CACNA1C: variants seen among roughly 807,000 people sequenced by gnomAD.
The protein encoded by CACNA1C is voltage-dependent L-type calcium channel subunit alpha-1C.
CACNA1C carries 30 observed loss-of-function variants against 229.0 expected under a neutral mutation model. The observed-to-expected ratio is 0.13, with a 90% CI of 0.10 to 0.18. The LOEUF (loss-of-function observed/expected upper bound fraction) is 0.18, where lower values mean the gene tolerates loss of function less well. CACNA1C is among the 10% of genes least tolerant of loss of function. CACNA1C has a pLI of 1.00. For missense variants in CACNA1C, 1,658 were observed against 2,845.0 expected, an observed-to-expected ratio of 0.58 and a Z score of 9.49; for synonymous variants, 1,114 against 1,132.5, an observed-to-expected ratio of 0.98 and a Z score of 0.33.
At chr12:2,213,939 C>G (rs2059331817) in intron 3 of CACNA1C, among the ~76,000 whole-genome samples, 1 of 151,836 alleles carries the variant, frequency 6.6e-6, no homozygotes. Flanking sequence ...TTTACAGCAC[C>G]TTCTCTGCAG....
At chr12:2,559,676 G>C (rs765202555) in intron 11 of CACNA1C, among the ~76,000 whole-genome samples, 2 of 152,178 alleles carry the variant, frequency 1.3e-5, no homozygotes, top group Non-Finnish European at 2.9e-5. Flanking sequence ...AGGTCACAGG[G>C]CTCTAGTATG....
rs530175282 is a variant in CACNA1C at position 2,348,344 on chromosome 12, C to T, written c.478-100632C>T. ...ATCTAGACCCTTTGGATCCTATGTG[C>T]GGGGGACTTCCCAAGAGCTCCCGGC... On this transcript the variant is annotated intron_variant, in intron 3 of 46. Coordinates refer to ENST00000399655, the MANE Select transcript of CACNA1C (RefSeq NM_000719.7). The surrounding 1 kb of genome is among the most constrained non-coding windows in gnomAD (Gnocchi z 4.7). Among the ~76,000 whole-genome samples the T allele has an allele frequency of 8.5e-5, 13 of 152,216 alleles. No homozygotes were observed. The highest frequency in any genetic ancestry group is 2.1e-4 in the South Asian group (1 of 4,832).
In CACNA1C at chr12:2,595,650, G is replaced by A. The variant is rs575601652; in HGVS notation, c.2664-224G>A. Among the ~76,000 whole-genome samples the A allele has an allele frequency of 6.6e-6, 1 of 152,314 alleles. No individual in the cohort carries two copies. Among genetic ancestry groups the A allele is most frequent in the South Asian group, 2.1e-4 (1 of 4,826 alleles). On this transcript the variant is annotated intron_variant, in intron 19 of 46. Transcript: ENST00000399655. This position sits in a 1 kb window ranked among gnomAD's most constrained non-coding sequence, Gnocchi z 4.1. The stretch of plus-strand genomic sequence containing the variant: ...AATTCAGAGATTCTCAAAGGTCTCA[G>A]ATGTAACCTTCTAAAATATCAAAGA...
rs1203140092 is a variant in CACNA1C, at chr12:2,108,401, G to A, written c.50-6823G>A. Reference sequence around the variant, plus strand: ...CAAGGGCTGGCTCTGGGATCACACCGCCTTATGCATGATCCAGGAATCAGG... The same window carrying A: ...CAAGGGCTGGCTCTGGGATCACACCACCTTATGCATGATCCAGGAATCAGG... On this transcript the variant is annotated intron_variant, in intron 1 of 46. Transcript: ENST00000399655. The surrounding 1 kb of genome is among the most constrained non-coding windows in gnomAD (Gnocchi z 5.3). Among the ~76,000 whole-genome samples the A allele has an allele frequency of 3.9e-5, 6 of 152,188 alleles. No homozygotes were observed. The highest frequency in any genetic ancestry group is 2.1e-4 in the South Asian group (1 of 4,832).
chr12:2,221,950 A>G (rs2154351219), intron 3 of CACNA1C, among the ~76,000 whole-genome samples: 1 of 152,350 alleles, frequency 6.6e-6, no homozygotes, highest in Middle Eastern at 3.4e-3. Context: ...TATCTACAAT[A>G]TGATCCCAAA....
At chr12:2,055,071 C>G (rs564955207) in intron 1 of CACNA1C, among the ~76,000 whole-genome samples, 17 of 152,342 alleles carry the variant, frequency 1.1e-4, no homozygotes, top group African/African-American at 3.8e-4. Flanking sequence ...GGATTGTGGC[C>G]TCCTTTGGAA....
At chr12:2,257,632 A>G (rs2078482841) in intron 3 of CACNA1C, among the ~76,000 whole-genome samples, 1 of 152,174 alleles carries the variant, frequency 6.6e-6, no homozygotes, top group Admixed American at 6.5e-5. Context: ...CAGGCCATGG[A>G]CCGGTACCTG....
At chr12:2,448,952 C>T (rs368845306) in intron 3 of CACNA1C, 24 bp from the exon 4 acceptor site, 1 of 1,590,366 alleles carries the variant, frequency 6.3e-7, no homozygotes, top group Non-Finnish European at 8.6e-7. Context: ...TTATTTTTCT[C>T]TCTTTTCTAT....
At chr12:2,200,635 C>T (rs758296600) in intron 3 of CACNA1C, among the ~76,000 whole-genome samples, 6 of 152,082 alleles carry the variant, frequency 3.9e-5, no homozygotes, top group Non-Finnish European at 8.8e-5. Context: ...TTGCAGGAAC[C>T]GGGATAGATA....
intron 3 of CACNA1C, among the ~76,000 whole-genome samples, chr12:2,135,320 C>T (rs938406392): frequency 6.8e-6 from 1 of 146,842 alleles, no homozygotes. Context: ...CAAAGTCATT[C>T]TCCATCCAGC....
chr12:2,150,107 G>T (rs1046992706), intron 3 of CACNA1C, among the ~76,000 whole-genome samples: 2 of 152,194 alleles, frequency 1.3e-5, no homozygotes, highest in Non-Finnish European at 2.9e-5. Context: ...GCTCCCAGAG[G>T]GGCTGGCTGG....
chr12:2,584,494 C>T lies in CACNA1C; in HGVS notation c.2225-9C>T, dbSNP rs1568580892. 6.2e-7 allele frequency: 1 copy of T among 1,603,168 alleles called. No homozygotes were observed. Among genetic ancestry groups the T allele is most frequent in the Non-Finnish European group, 8.5e-7 (1 of 1,170,188 alleles). ...AAGGGTCATTTTCTTTAAGAATGGA[C>T]ACAAACAGATATCCTACTGAATGTG... On this transcript the variant is annotated splice_polypyrimidine_tract_variant and intron_variant, in intron 15 of 46. Transcript: ENST00000399655.
chr12:1,990,887 T>G (rs1248251249), intron 1 of CACNA1C, among the ~76,000 whole-genome samples: 1 of 151,954 alleles, frequency 6.6e-6, no homozygotes, highest in Non-Finnish European at 1.5e-5. Context: ...TAAACCCTTC[T>G]GTGTACCTTT....
At chr12:2,166,505 G>A (rs1229268954) in intron 3 of CACNA1C, among the ~76,000 whole-genome samples, 3 of 152,190 alleles carry the variant, frequency 2.0e-5, no homozygotes, top group Admixed American at 6.5e-5. Context: ...CAGCAATGAG[G>A]AACAATGGGC....
At chr12:2,565,164 G>A (rs1281034459) in intron 11 of CACNA1C, among the ~76,000 whole-genome samples, 1 of 152,188 alleles carries the variant, frequency 6.6e-6, no homozygotes, top group Non-Finnish European at 1.5e-5. Flanking sequence ...ACCACCTGGG[G>A]AGCCTTAAAA....
intron 3 of CACNA1C, among the ~76,000 whole-genome samples, chr12:2,193,689 G>A (rs2097311430): frequency 6.6e-6 from 1 of 152,238 alleles, no homozygotes; most frequent in Non-Finnish European, 1.5e-5. Flanking sequence ...AGCCGAGGAG[G>A]CCCTTCTCCT....
intron 1 of CACNA1C, among the ~76,000 whole-genome samples, chr12:2,017,239 CG>C (rs1352734539): frequency 2.0e-5 from 3 of 152,120 alleles, no homozygotes; most frequent in African/African-American, 7.2e-5. Context: ...TAGGTAGCAG[CG>C]GAAACCCTGG....
chr12:2,149,000 C>T (rs950672083), intron 3 of CACNA1C, among the ~76,000 whole-genome samples: 3 of 152,020 alleles, frequency 2.0e-5, no homozygotes, highest in Non-Finnish European at 2.9e-5. Context: ...GAGAATATGA[C>T]TTTTCCTTGG....
chr12:2,066,687 A>G (rs924424323), intron 1 of CACNA1C, among the ~76,000 whole-genome samples: 1 of 152,086 alleles, frequency 6.6e-6, no homozygotes, highest in Non-Finnish European at 1.5e-5. Context: ...GGCACATGAG[A>G]GATTGGAAAT....
Sources: allele counts gnomAD v4.1 joint callset (sites outside exome capture counted in the v4.1 genomes callset), GRCh38; gene constraint gnomAD v4.1.1; non-coding constraint Gnocchi (gnomAD v3.1); transcripts MANE v1.5; gene names NCBI Gene and HGNC (gene_info 2026-07-23, HGNC 2026-07-21).